The following NRXN1 variants were observed in gnomAD, a reference collection of about 807,000 sequenced individuals.
NRXN1 encodes neurexin 1, also known as neurexin-1.
Under a neutral mutation model 150.9 loss-of-function variants are expected in NRXN1, and 39 were observed. That is an observed-to-expected ratio of 0.26 (90% CI 0.20 to 0.34). NRXN1 has a LOEUF of 0.34. NRXN1 is among the 10% of genes least tolerant of loss of function. The pLI, the probability that NRXN1 is intolerant of heterozygous loss-of-function variation, is 1.00. For synonymous variants in NRXN1, 924 were observed against 757.0 expected (o/e 1.22, Z -3.62); for missense variants, 1,815 against 1,949.9 (o/e 0.93, Z 1.30).
intron 18 of NRXN1, among the ~76,000 whole-genome samples, chr2:50,213,496 A>G (rs2063175592): frequency 6.6e-6 from 1 of 151,866 alleles, no homozygotes. Context: ...CCTATACAAC[A>G]TAATAGAATG....
chr2:50,485,491 T>C (rs1014525113), intron 15 of NRXN1, among the ~76,000 whole-genome samples: 1 of 152,124 alleles, frequency 6.6e-6, no homozygotes, highest in African/African-American at 2.4e-5. Flanking sequence ...TCCCGACCAC[T>C]GGAGGATGCA....
intron 21 of NRXN1, among the ~76,000 whole-genome samples, chr2:49,953,205 A>T (rs1214650864): frequency 6.6e-6 from 1 of 152,156 alleles, no homozygotes; most frequent in Non-Finnish European, 1.5e-5. Context: ...ATAATCACTT[A>T]GTTAACAGAA....
chr2:50,318,226 T>C (rs1028550137), intron 17 of NRXN1, among the ~76,000 whole-genome samples: 2 of 152,084 alleles, frequency 1.3e-5, no homozygotes, highest in Non-Finnish European at 2.9e-5. Context: ...ACAACATCAT[T>C]AGTAATCAGG....
chr2:49,936,662 C>T (rs961804560), intron 22 of NRXN1, among the ~76,000 whole-genome samples: 11 of 151,434 alleles, frequency 7.3e-5, no homozygotes, highest in Admixed American at 3.9e-4. Context: ...GGTGGCATGT[C>T]ACAGTTCTTT....
chr2:50,745,891 T>C (rs997364052), intron 5 of NRXN1, among the ~76,000 whole-genome samples: 7 of 152,072 alleles, frequency 4.6e-5, no homozygotes, highest in African/African-American at 1.7e-4. Context: ...CAATTCAAGA[T>C]GAAATTTGGG....
intron 12 of NRXN1, among the ~76,000 whole-genome samples, chr2:50,507,454 A>G (rs1484404467): frequency 6.6e-6 from 1 of 152,162 alleles, no homozygotes; most frequent in African/African-American, 2.4e-5. Flanking sequence ...ACAACAGTAG[A>G]GAGCAAGGGA....
At chr2:50,458,334 G>T (rs1309326637) in intron 17 of NRXN1, among the ~76,000 whole-genome samples, 1 of 152,074 alleles carries the variant, frequency 6.6e-6, no homozygotes, top group East Asian at 1.9e-4. Context: ...TGTATACAAA[G>T]ATAAAGATAA....
chr2:50,696,585 T>C (rs1482449596), intron 5 of NRXN1, among the ~76,000 whole-genome samples: 2 of 152,140 alleles, frequency 1.3e-5, no homozygotes, highest in Non-Finnish European at 2.9e-5. Context: ...GTCTATTTAT[T>C]TTCTTTGTGG....
At position 50,620,012 on chromosome 2, in the gene NRXN1, C is replaced by G. The variant is rs113028018; in HGVS notation, c.1320+10G>C. 3.9e-6 allele frequency: 6 copies of G among 1,557,208 alleles called. No homozygotes were observed. The highest frequency in any genetic ancestry group is 5.2e-6 in the Non-Finnish European group (6 of 1,148,894). On this transcript the variant is annotated intron_variant, in intron 8 of 22. Coordinates refer to ENST00000401669, the MANE Select transcript of NRXN1 (RefSeq NM_001330078.2). ...GAATTAGGAATGATTCTGATGGCAACGATATTTACCTCTTTGAGACAGCCC... is the reference window on the plus strand; with the variant it reads ...GAATTAGGAATGATTCTGATGGCAAGGATATTTACCTCTTTGAGACAGCCC...
chr2:50,571,951 G>C (rs1670731742), intron 8 of NRXN1, among the ~76,000 whole-genome samples: 6 of 152,166 alleles, frequency 3.9e-5, no homozygotes, highest in Admixed American at 3.9e-4. Context: ...AACTCTGAAA[G>C]CCTCTCAGAG....
At chr2:50,888,706 A>G (rs901032954) in intron 5 of NRXN1, among the ~76,000 whole-genome samples, 2 of 151,536 alleles carry the variant, frequency 1.3e-5, no homozygotes, top group East Asian at 3.9e-4. Flanking sequence ...ATAATTTCTA[A>G]TTGCCCTGAC....
At chr2:50,469,498 T>A (rs2089255597) in intron 16 of NRXN1, among the ~76,000 whole-genome samples, 1 of 151,610 alleles carries the variant, frequency 6.6e-6, no homozygotes, top group Non-Finnish European at 1.5e-5. Context: ...CCTATCAATA[T>A]GGAGCCTAAG....
chr2:50,834,798 G>C (rs1671883288), intron 5 of NRXN1, among the ~76,000 whole-genome samples: 1 of 152,060 alleles, frequency 6.6e-6, no homozygotes, highest in African/African-American at 2.4e-5. Flanking sequence ...GGGCTCAGGG[G>C]TGCATCATTG....
chr2:50,580,759 C>CCA (rs2103645220), intron 8 of NRXN1, among the ~76,000 whole-genome samples: 1 of 152,230 alleles, frequency 6.6e-6, no homozygotes, highest in South Asian at 2.1e-4. Flanking sequence ...TGTTCTCTCT[C>CCA]CACTGCTTGT....
chr2:50,527,215 C>T (rs560951076), intron 12 of NRXN1, among the ~76,000 whole-genome samples: 2 of 152,286 alleles, frequency 1.3e-5, no homozygotes, highest in South Asian at 2.1e-4. Context: ...AGAAAACCTA[C>T]AGCCAGAGTG....
chr2:49,983,832 T>G (rs1439865529), intron 21 of NRXN1, among the ~76,000 whole-genome samples: 2 of 152,182 alleles, frequency 1.3e-5, no homozygotes, highest in African/African-American at 4.8e-5. Flanking sequence ...CTGTGCATTT[T>G]GTTGCATTAC....
intron 15 of NRXN1, among the ~76,000 whole-genome samples, chr2:50,492,767 A>G (rs530798625): frequency 6.6e-6 from 1 of 152,322 alleles, no homozygotes; most frequent in African/African-American, 2.4e-5. Context: ...GGGCTGGTAA[A>G]ACAAACAAAA....
chr2:50,196,076 G>C (rs2152828159), intron 18 of NRXN1, among the ~76,000 whole-genome samples: 1 of 152,028 alleles, frequency 6.6e-6, no homozygotes, highest in Admixed American at 6.6e-5. Flanking sequence ...TATCAACTAG[G>C]TATTAGGCCC....
intron 18 of NRXN1, among the ~76,000 whole-genome samples, chr2:50,231,380 T>C (rs1406889879): frequency 6.6e-6 from 1 of 152,082 alleles, no homozygotes; most frequent in Non-Finnish European, 1.5e-5. Context: ...CAGAGAAAGA[T>C]GAGAAAGACT....
Sources: allele counts gnomAD v4.1 joint callset (sites outside exome capture counted in the v4.1 genomes callset), GRCh38; gene constraint gnomAD v4.1.1; transcripts MANE v1.5; gene names NCBI Gene and HGNC (gene_info 2026-07-23, HGNC 2026-07-21).